Variants in TRPC6 observed in about 807,000 individuals in gnomAD.
TRPC6 encodes short transient receptor potential channel 6.
TRPC6 carries 55 observed loss-of-function variants against 90.7 expected under a neutral mutation model. That is an observed-to-expected ratio of 0.61 (90% CI 0.49 to 0.76). The LOEUF is 0.76. TRPC6 is among the 30% of genes least tolerant of loss of function. The probability of loss-of-function intolerance (pLI) is 0.00; values close to 1 mark genes in which losing one functional copy is unlikely to be tolerated. For synonymous variants in TRPC6, 393 were observed against 393.0 expected, an observed-to-expected ratio of 1.00 and a Z score of 0.00; for missense variants, 989 against 1,122.7, an observed-to-expected ratio of 0.88 and a Z score of 1.70.
At chr11:101,513,554 A>G (rs1017330431) in intron 1 of TRPC6, among the ~76,000 whole-genome samples, 3 of 149,632 alleles carry the variant, frequency 2.0e-5, no homozygotes, top group African/African-American at 7.5e-5. Context: ...GAGAGAGGAA[A>G]AGAAATTACT....
chr11:101,580,276 C>A (rs1248327643), intron 1 of TRPC6, among the ~76,000 whole-genome samples: 1 of 152,040 alleles, frequency 6.6e-6, no homozygotes, highest in Admixed American at 6.6e-5. Flanking sequence ...GTAAACATAC[C>A]TTTAAAGTTC....
At chr11:101,569,057 C>A (rs1015931931) in intron 1 of TRPC6, among the ~76,000 whole-genome samples, 1 of 152,064 alleles carries the variant, frequency 6.6e-6, no homozygotes, top group African/African-American at 2.4e-5. Flanking sequence ...TTAAAAGACA[C>A]AGAATGGCAA....
intron 1 of TRPC6, among the ~76,000 whole-genome samples, chr11:101,523,330 T>C (rs975533980): frequency 6.6e-6 from 1 of 152,222 alleles, no homozygotes. Flanking sequence ...TTTTTTCTTT[T>C]ACTGGTCACA....
In TRPC6 at chr11:101,489,035, G is replaced by C; in HGVS notation, c.1195C>G (p.Arg399Gly). ...AACTTGACCGCCATTGTCTGCTGTCGTAAACCAGAAAGATTCTCATACCAA... is the reference window on the plus strand; with the variant it reads ...AACTTGACCGCCATTGTCTGCTGTCCTAAACCAGAAAGATTCTCATACCAA... ...SIWYENLSGL[R>G]QQTMAVKFLV... The change falls in exon 4 of 13, where the codon CGA becomes GGA. Residue 399 changes from arginine (R) to glycine (G), a missense_variant. Physicochemically the swap from Arg to Gly is moderately radical, Grantham distance 125 (BLOSUM62 -2). Around this residue, in one of 4 missense-constraint regions of TRPC6, gnomAD observed 486 missense variants for 591.9 expected, o/e 0.82. Transcript: ENST00000344327. The C allele has an allele frequency of 6.2e-7, 1 of 1,614,162 alleles. No individual in the cohort carries two copies. Among genetic ancestry groups the C allele is most frequent in the Non-Finnish European group, 8.5e-7 (1 of 1,180,006 alleles).
chr11:101,528,525 A>G (rs946963108), intron 1 of TRPC6, among the ~76,000 whole-genome samples: 15 of 152,336 alleles, frequency 9.8e-5, no homozygotes, highest in Admixed American at 6.5e-4. Context: ...ATTGGCATCT[A>G]TATTACATGA....
intron 1 of TRPC6, among the ~76,000 whole-genome samples, chr11:101,527,062 A>G (rs1003481869): frequency 2.6e-5 from 4 of 152,056 alleles, no homozygotes; most frequent in Non-Finnish European, 5.9e-5. Flanking sequence ...GCTGTGTACT[A>G]TTTTATAAAG....
At position 101,583,325 on chromosome 11, in the gene TRPC6, G is replaced by A. The variant is rs772185992; in HGVS notation, c.170+9C>T. ...CGCGCCCGATCCGCCCCGCGTCGCC[G>A]GCACTCACAAGCAGGGGTAGTAGCC... is the stretch of plus-strand genomic sequence containing the variant. On this transcript the variant is annotated intron_variant, in intron 1 of 12. Coordinates refer to ENST00000344327, the MANE Select transcript of TRPC6 (RefSeq NM_004621.6). 2.0e-5 allele frequency: 32 copies of A among 1,577,418 alleles called. No individual in the cohort carries two copies. Among genetic ancestry groups the A allele is most frequent in the Non-Finnish European group, 2.6e-5 (30 of 1,162,556 alleles).
intron 6 of TRPC6, 60 bp downstream of exon 6, chr11:101,476,241 A>C (rs1318873634): frequency 7.2e-7 from 1 of 1,398,358 alleles, no homozygotes; most frequent in Non-Finnish European, 1.0e-6. Context: ...ACTACTACTG[A>C]CATCTGTTTT....
At chr11:101,556,324 C>T (rs1288251502) in intron 1 of TRPC6, among the ~76,000 whole-genome samples, 2 of 140,076 alleles carry the variant, frequency 1.4e-5, no homozygotes, top group African/African-American at 5.4e-5. Flanking sequence ...GTTGGGCTCA[C>T]TAAGAAAAAA....
At chr11:101,476,236 T>C in intron 6 of TRPC6, 65 bp downstream of exon 6, 2 of 1,353,580 alleles carry the variant, frequency 1.5e-6, no homozygotes, top group Non-Finnish European at 2.1e-6. Flanking sequence ...ACCGAACTAC[T>C]ACTGACATCT....
At chr11:101,524,461 G>T (rs1455944737) in intron 1 of TRPC6, among the ~76,000 whole-genome samples, 2 of 152,168 alleles carry the variant, frequency 1.3e-5, no homozygotes, top group African/African-American at 4.8e-5. Context: ...ATGTTAGCCA[G>T]GATGGTCTCG....
chr11:101,489,614 TAAG>T (rs1859757605), intron 3 of TRPC6, among the ~76,000 whole-genome samples: 1 of 146,942 alleles, frequency 6.8e-6, no homozygotes, highest in African/African-American at 2.6e-5. Flanking sequence ...CTCTTTCACT[TAAG>T]AAGACTTTAA....
At chr11:101,529,772 C>A (rs1860865447) in intron 1 of TRPC6, among the ~76,000 whole-genome samples, 1 of 152,186 alleles carries the variant, frequency 6.6e-6, no homozygotes, top group South Asian at 2.1e-4. Flanking sequence ...TGGCAGCCAT[C>A]CACTGATAGA....
Position 101,544,306 on chromosome 11 carries a change from G to T in TRPC6, c.170+39028C>A, listed in dbSNP as rs553151180. 3.9e-5 allele frequency among the ~76,000 whole-genome samples: 6 copies of T among 152,312 alleles called. No homozygotes were observed. The East Asian group carries it at 1.2e-3, about 29-fold the overall frequency. On this transcript the variant is annotated intron_variant, in intron 1 of 12. Transcript: ENST00000344327. ...GGCAGTGTAAATTAGTTCAACCATT[G>T]TGGAATATAGTGTGGTGATTCCTCA...
chr11:101,506,015 GAA>G (rs34504825), intron 1 of TRPC6, among the ~76,000 whole-genome samples: 1,998 of 98,438 alleles, frequency 0.02, 15 homozygotes, highest in Non-Finnish European at 0.031. Flanking sequence ...CTATATCAAA[GAA>G]AAAAAAAAAA....
At chr11:101,583,189 T>G in intron 1 of TRPC6, 145 bp downstream of exon 1, 1 of 1,392,202 alleles carries the variant, frequency 7.2e-7, no homozygotes, top group Non-Finnish European at 9.3e-7. Flanking sequence ...GTCCCAGCCC[T>G]GGCTCTCGCG....
intron 1 of TRPC6, among the ~76,000 whole-genome samples, chr11:101,570,231 A>G (rs1163512915): frequency 2.6e-5 from 4 of 152,190 alleles, no homozygotes; most frequent in Non-Finnish European, 4.4e-5. Flanking sequence ...ACCATCAGAG[A>G]ATACTATAAA....
At chr11:101,467,706 G>A (rs535283897) in intron 10 of TRPC6, among the ~76,000 whole-genome samples, 331 of 152,264 alleles carry the variant, frequency 2.2e-3, no homozygotes, top group African/African-American at 7.6e-3. Context: ...AATATTTTAG[G>A]ACTTGTGGGC....
intron 1 of TRPC6, among the ~76,000 whole-genome samples, chr11:101,508,067 C>T (rs1014067371): frequency 2.0e-5 from 3 of 151,862 alleles, no homozygotes; most frequent in African/African-American, 7.3e-5. Flanking sequence ...TTCAAAAACA[C>T]CCTTTATTTT....
Sources: gnomAD v4.1 joint callset for allele counts (sites outside exome capture counted in the v4.1 genomes callset) on GRCh38, gnomAD v4.1.1 for gene constraint, gnomAD v4.1.1 regional missense constraint, MANE v1.5 for transcripts, NCBI Gene and HGNC (gene_info 2026-07-23, HGNC 2026-07-21) for gene names.